The following GPC5 variants were observed in gnomAD, a reference collection of about 807,000 sequenced individuals.
GPC5 encodes glypican-5.
GPC5 carries 47 observed loss-of-function variants against 53.9 expected under a neutral mutation model. The observed-to-expected ratio is 0.87, with a 90% confidence interval of 0.69 to 1.11. The LOEUF is 1.11. Ranked by LOEUF, GPC5 falls within the 50% of genes most tolerant of loss-of-function variation. The probability of loss-of-function intolerance (pLI) is 0.00; values close to 1 mark genes in which losing one functional copy is unlikely to be tolerated. For synonymous variants in GPC5, 286 were observed against 263.3 expected (o/e 1.09, Z -0.84); for missense variants, 748 against 713.1 (o/e 1.05, Z -0.56).
At chr13:92,267,269 G>A (rs1391021506) in intron 7 of GPC5, among the ~76,000 whole-genome samples, 1 of 151,676 alleles carries the variant, frequency 6.6e-6, no homozygotes, top group African/African-American at 2.4e-5. Flanking sequence ...TTAAGATTTT[G>A]CTAGATTATA....
chr13:92,741,934 A>T (rs1036011850), intron 7 of GPC5, among the ~76,000 whole-genome samples: 1 of 151,982 alleles, frequency 6.6e-6, no homozygotes. Context: ...TTATGGCTGC[A>T]TAGTATTCCA....
intron 7 of GPC5, among the ~76,000 whole-genome samples, chr13:92,594,743 A>G (rs917011564): frequency 6.6e-6 from 1 of 152,226 alleles, no homozygotes; most frequent in Admixed American, 6.5e-5. Context: ...AGGAGAAAAA[A>G]TATCACTTGA....
At chr13:91,531,985 G>A (rs564911740) in intron 2 of GPC5, among the ~76,000 whole-genome samples, 1 of 152,192 alleles carries the variant, frequency 6.6e-6, no homozygotes, top group East Asian at 1.9e-4. Context: ...TTTTTCTGGG[G>A]ATCCAGCTAA....
intron 6 of GPC5, among the ~76,000 whole-genome samples, chr13:91,920,495 C>G (rs986261139): frequency 6.6e-6 from 1 of 152,176 alleles, no homozygotes. Flanking sequence ...TAATGTCAAT[C>G]ATTTTCAGAA....
chr13:92,598,544 T>C (rs760711631), intron 7 of GPC5, among the ~76,000 whole-genome samples: 25 of 152,250 alleles, frequency 1.6e-4, no homozygotes, highest in Non-Finnish European at 2.9e-4. Context: ...TTTTATTCTA[T>C]GTTAGATAAC....
intron 7 of GPC5, among the ~76,000 whole-genome samples, chr13:92,171,619 A>C (rs1377971908): frequency 6.6e-6 from 1 of 152,166 alleles, no homozygotes; most frequent in Non-Finnish European, 1.5e-5. Context: ...TGACAATGTC[A>C]ATCTTCAGTT....
chr13:92,215,484 A>G (rs1452378071), intron 7 of GPC5, among the ~76,000 whole-genome samples: 2 of 152,218 alleles, frequency 1.3e-5, no homozygotes, highest in African/African-American at 4.8e-5. Context: ...CTTGTCTTTC[A>G]TAAGTGTGGG....
intron 7 of GPC5, among the ~76,000 whole-genome samples, chr13:92,699,930 G>C (rs1887674789): frequency 6.6e-6 from 1 of 152,154 alleles, no homozygotes; most frequent in Non-Finnish European, 1.5e-5. Flanking sequence ...GAGATCTGTA[G>C]ATGTCTATTA....
rs2034603959 is a variant in GPC5, at chr13:91,648,056, G to T, written c.326-45131G>T. ...TCCTCTGTGTTGCTTTCTTTAAATT[G>T]TTACTCACTCAGTGGTGATCCCTTT... On this transcript the variant is annotated intron_variant, in intron 2 of 7. Transcript: ENST00000377067. Among the ~76,000 whole-genome samples the T allele has an allele frequency of 2.0e-5, 3 of 152,152 alleles. No individual in the cohort carries two copies. In the South Asian group the frequency reaches 6.2e-4, roughly 32 times the overall value.
rs2039697569 is a variant in GPC5 at position 91,920,172 on chromosome 13, T to C, written c.1401+12115T>C. ...AGAAAACAGACAGTACAGAAGGAAA[T>C]ACCCCAAACCTATATGAATATCCTC... On this transcript the variant is annotated intron_variant, in intron 6 of 7. Coordinates refer to ENST00000377067, the MANE Select transcript of GPC5 (RefSeq NM_004466.6). Among the ~76,000 whole-genome samples, 2 of 151,938 alleles carry C rather than the reference T, an allele frequency of 1.3e-5. 1 individual carries two copies. Among genetic ancestry groups the C allele is most frequent in the Admixed American group, 1.3e-4 (2 of 15,250 alleles).
Position 92,186,878 on chromosome 13 carries a change from G to A in GPC5, c.1561+41889G>A, listed in dbSNP as rs546372286. On this transcript the variant is annotated intron_variant, in intron 7 of 7. Coordinates refer to ENST00000377067, the MANE Select transcript of GPC5 (RefSeq NM_004466.6). Reference sequence around the variant, plus strand: ...TGTAATCCCAGCACTTTGGGAGGCCGAAGTGGGAGGATCACATGGGGTTAG... The same window carrying A: ...TGTAATCCCAGCACTTTGGGAGGCCAAAGTGGGAGGATCACATGGGGTTAG... Among the ~76,000 whole-genome samples, 124 of 152,258 alleles carry A rather than the reference G, an allele frequency of 8.1e-4. 1 individual carries two copies. The highest frequency in any genetic ancestry group is 3.4e-3 in the Middle Eastern group (1 of 294).
At chr13:91,424,185 T>C (rs775166090) in intron 1 of GPC5, among the ~76,000 whole-genome samples, 3 of 152,108 alleles carry the variant, frequency 2.0e-5, no homozygotes, top group African/African-American at 7.2e-5. Context: ...TCATAGTAAC[T>C]GATAGGTTTT....
At chr13:92,634,788 T>C (rs935290728) in intron 7 of GPC5, among the ~76,000 whole-genome samples, 42 of 152,022 alleles carry the variant, frequency 2.8e-4, no homozygotes, top group African/African-American at 9.2e-4. Context: ...TACATTTTCA[T>C]TGACATCACT....
At chr13:92,105,166 T>C (rs1372997658) in intron 6 of GPC5, among the ~76,000 whole-genome samples, 1 of 152,070 alleles carries the variant, frequency 6.6e-6, no homozygotes, top group Admixed American at 6.6e-5. Flanking sequence ...AAGAGCTTCT[T>C]GTCTTAGAGG....
At chr13:91,820,893 G>A (rs1172963821) in intron 5 of GPC5, among the ~76,000 whole-genome samples, 1 of 151,974 alleles carries the variant, frequency 6.6e-6, no homozygotes, top group Non-Finnish European at 1.5e-5. Context: ...AACCCGGGAA[G>A]CGGAGCTTGC....
intron 7 of GPC5, among the ~76,000 whole-genome samples, chr13:92,191,871 CTCAGGATAT>C (rs2042225051): frequency 6.6e-6 from 1 of 152,128 alleles, no homozygotes; most frequent in Non-Finnish European, 1.5e-5. Flanking sequence ...GTATTTTTGA[CTCAGGATAT>C]TTTTAATTTA....
intron 2 of GPC5, among the ~76,000 whole-genome samples, chr13:91,560,765 G>GA (rs1008927071): frequency 2.0e-5 from 3 of 147,398 alleles, no homozygotes; most frequent in Admixed American, 6.8e-5. Flanking sequence ...TTTTTTTTAG[G>GA]AAAAAAAATT....
chr13:92,724,875 T>TACACACACAC (rs58824655), intron 7 of GPC5, among the ~76,000 whole-genome samples: 3,966 of 137,670 alleles, frequency 0.029, 83 homozygotes, highest in African/African-American at 0.042. Context: ...GTCCTACACA[T>TACACACACAC]ACACACACAC....
intron 7 of GPC5, among the ~76,000 whole-genome samples, chr13:92,297,643 C>G (rs1184705485): frequency 6.6e-6 from 1 of 152,126 alleles, no homozygotes; most frequent in Admixed American, 6.5e-5. Context: ...CTTGGAGAAG[C>G]TTTGTATCTA....
Sources: allele counts gnomAD v4.1 joint callset (sites outside exome capture counted in the v4.1 genomes callset), GRCh38; gene constraint gnomAD v4.1.1; transcripts MANE v1.5; gene names NCBI Gene and HGNC (gene_info 2026-07-23, HGNC 2026-07-21).